Variants in GAB4 observed in about 807,000 individuals in gnomAD.
GAB4 encodes GRB2-associated-binding protein 4.
GAB4 carries 26 observed loss-of-function variants against 51.3 expected under a neutral mutation model. That is an observed-to-expected ratio of 0.51 (90% CI 0.37 to 0.70). GAB4 has a LOEUF of 0.70. GAB4 is among the 30% of genes least tolerant of loss of function. The pLI, the probability that GAB4 is intolerant of heterozygous loss-of-function variation, is 0.00. For missense variants in GAB4, 759 were observed against 734.6 expected (o/e 1.03, Z -0.38); for synonymous variants, 329 against 291.2 (o/e 1.13, Z -1.32).
chr22:16,968,466 G>C (rs1427707021), intron 4 of GAB4, 83 bp from the exon 5 acceptor site: 3 of 976,488 alleles, frequency 3.1e-6, no homozygotes, highest in Non-Finnish European at 3.3e-6. Context: ...TGCTGCTTAG[G>C]GTCTCGCTGA....
chr22:16,970,265 A>G (rs1441566801), intron 3 of GAB4, 72 bp from the exon 4 acceptor site: 4 of 1,543,480 alleles, frequency 2.6e-6, no homozygotes, highest in Non-Finnish European at 3.5e-6. Context: ...GCAGGCGGGG[A>G]AGTTCACAGC....
At chr22:16,969,879 T>G (rs556305609) in intron 4 of GAB4, 64 bp downstream of exon 4, 1 of 1,596,502 alleles carries the variant, frequency 6.3e-7, no homozygotes, top group African/African-American at 1.3e-5. Flanking sequence ...ACCACTATTG[T>G]TCACCAGGTG....
At chr22:16,991,813 T>G in intron 2 of GAB4, 60 bp downstream of exon 2, 1 of 1,389,128 alleles carries the variant, frequency 7.2e-7, no homozygotes, top group Non-Finnish European at 1.0e-6. Context: ...CCCTCCTTGC[T>G]GGAGATTGGA....
chr22:16,997,368 T>G (rs2060958453), intron 1 of GAB4, among the ~76,000 whole-genome samples: 1 of 152,208 alleles, frequency 6.6e-6, no homozygotes, highest in African/African-American at 2.4e-5. Context: ...TCCTTGTGGT[T>G]TTGATTTGCA....
chr22:16,968,959 A>C (rs1359008490), intron 4 of GAB4, among the ~76,000 whole-genome samples: 2 of 152,248 alleles, frequency 1.3e-5, no homozygotes, highest in Non-Finnish European at 2.9e-5. Context: ...TATAAAATGG[A>C]GAAAACAAGG....
At chr22:16,962,944 A>G in intron 9 of GAB4, 68 bp from the exon 10 acceptor site, 1 of 1,477,830 alleles carries the variant, frequency 6.8e-7, no homozygotes. Flanking sequence ...GGGCAGGCCA[A>G]GGAGTGGGCT....
At chr22:16,998,352 G>T (rs1323928646) in intron 1 of GAB4, among the ~76,000 whole-genome samples, 7 of 152,126 alleles carry the variant, frequency 4.6e-5, no homozygotes, top group Admixed American at 1.3e-4. Flanking sequence ...CCTGGAAGAG[G>T]TCCTTCCTAT....
At position 16,962,699 on chromosome 22, in the gene GAB4, T is replaced by C. The variant is rs2060638705; in HGVS notation, c.*34A>G. On this transcript the variant is annotated 3_prime_UTR_variant, in exon 10 of 10. Coordinates refer to ENST00000400588, the MANE Select transcript of GAB4 (RefSeq NM_001037814.1). ...GTGTGGCGGAGCAGCTCTGAGGCACTGTCCTGGCCCCACTCTGGTTTTGGT... is the reference window on the plus strand; with the variant it reads ...GTGTGGCGGAGCAGCTCTGAGGCACCGTCCTGGCCCCACTCTGGTTTTGGT... 6.3e-7 allele frequency: 1 copy of C among 1,589,972 alleles called. No individual in the cohort carries two copies. Among genetic ancestry groups the C allele is most frequent in the South Asian group, 1.1e-5 (1 of 89,390 alleles).
At chr22:17,003,724 G>C (rs189509028) in intron 1 of GAB4, among the ~76,000 whole-genome samples, 14 of 152,274 alleles carry the variant, frequency 9.2e-5, no homozygotes, top group African/African-American at 2.9e-4. Context: ...ACAAGAGAAA[G>C]CAGGAAAGAT....
intron 1 of GAB4, among the ~76,000 whole-genome samples, chr22:16,998,297 T>C (rs978636028): frequency 3.3e-5 from 5 of 152,230 alleles, no homozygotes; most frequent in Admixed American, 6.5e-5. Context: ...TTCTTCCATT[T>C]GTTTGTGTCC....
chr22:16,995,379 G>T (rs901399356), intron 1 of GAB4, among the ~76,000 whole-genome samples: 1 of 152,200 alleles, frequency 6.6e-6, no homozygotes, highest in Non-Finnish European at 1.5e-5. Context: ...TCCATGTTGT[G>T]TATCAATATC....
chr22:16,963,677 C>A (rs1167513112), intron 9 of GAB4, 48 bp downstream of exon 9: 3 of 1,390,798 alleles, frequency 2.2e-6, no homozygotes, highest in African/African-American at 2.8e-5. Context: ...CACAGTCTCT[C>A]CCCCAGGGCC....
At chr22:16,986,404 C>T (rs2060868274) in intron 3 of GAB4, among the ~76,000 whole-genome samples, 1 of 152,168 alleles carries the variant, frequency 6.6e-6, no homozygotes. Context: ...GGCATTCATA[C>T]ATGCAATAGA....
At chr22:16,998,320 C>CAT (rs1390085735) in intron 1 of GAB4, among the ~76,000 whole-genome samples, 1 of 152,084 alleles carries the variant, frequency 6.6e-6, no homozygotes, top group African/African-American at 2.4e-5. Flanking sequence ...TTTTATTTTG[C>CAT]TGAGCAGTGT....
At chr22:16,980,643 A>C (rs1303640984) in intron 3 of GAB4, among the ~76,000 whole-genome samples, 1 of 152,202 alleles carries the variant, frequency 6.6e-6, no homozygotes. Flanking sequence ...TTGACCCAGC[A>C]ATCCCATTAC....
chr22:16,975,873 T>G (rs1601259473), intron 3 of GAB4, among the ~76,000 whole-genome samples: 1 of 152,174 alleles, frequency 6.6e-6, no homozygotes, highest in African/African-American at 2.4e-5. Context: ...TGGTGATATC[T>G]GCCGGTGATA....
intron 5 of GAB4, 139 bp downstream of exon 5, chr22:16,968,159 T>C: frequency 1.5e-6 from 1 of 662,562 alleles, no homozygotes; most frequent in Non-Finnish European, 2.8e-6. Context: ...AACCTATGGT[T>C]CTGAACTGAG....
intron 4 of GAB4, among the ~76,000 whole-genome samples, chr22:16,969,077 T>C (rs2060707278): frequency 6.6e-6 from 1 of 152,228 alleles, no homozygotes; most frequent in Non-Finnish European, 1.5e-5. Flanking sequence ...TTTGTTTTCA[T>C]TGAGGAGAGG....
chr22:16,999,012 C>T (rs558759351), intron 1 of GAB4, among the ~76,000 whole-genome samples: 3 of 152,286 alleles, frequency 2.0e-5, no homozygotes, highest in South Asian at 4.1e-4. Flanking sequence ...GGTGAATAAG[C>T]GTTTTGATCT....
Sources: gnomAD v4.1 joint callset for allele counts (sites outside exome capture counted in the v4.1 genomes callset) on GRCh38, gnomAD v4.1.1 for gene constraint, MANE v1.5 for transcripts, NCBI Gene and HGNC (gene_info 2026-07-23, HGNC 2026-07-21) for gene names.